CDH18: variants seen among roughly 807,000 people sequenced by gnomAD.
CDH18 encodes cadherin 18, also known as cadherin-18.
CDH18 carries 31 observed loss-of-function variants against 67.9 expected under a neutral mutation model. The observed-to-expected ratio is 0.46, with a 90% CI of 0.34 to 0.62. The LOEUF (loss-of-function observed/expected upper bound fraction) is 0.62. CDH18 is among the 20% of genes least tolerant of loss of function. The pLI is 0.01. For missense variants in CDH18, 890 were observed against 975.5 expected (o/e 0.91, Z 1.17); for synonymous variants, 362 against 347.2 (o/e 1.04, Z -0.48).
At chr5:19,785,163 A>C (rs1001982361) in intron 3 of CDH18, among the ~76,000 whole-genome samples, 1 of 152,128 alleles carries the variant, frequency 6.6e-6, no homozygotes, top group African/African-American at 2.4e-5. Context: ...ACCTCTTTAA[A>C]TATTTTATGG....
chr5:19,661,533 GCAAA>G (rs1310096003), intron 5 of CDH18, among the ~76,000 whole-genome samples: 1 of 151,838 alleles, frequency 6.6e-6, no homozygotes, highest in Non-Finnish European at 1.5e-5. Flanking sequence ...GAGGGTATAT[GCAAA>G]CAAAGATAAT....
intron 5 of CDH18, among the ~76,000 whole-genome samples, chr5:19,698,785 T>C (rs1247771137): frequency 3.9e-5 from 6 of 152,128 alleles, no homozygotes; most frequent in Non-Finnish European, 7.4e-5. Context: ...AATATTTCTG[T>C]GTCTTGGAGA....
chr5:20,239,437 C>T lies in CDH18; in HGVS notation c.-518+16007G>A, dbSNP rs180680954. Among the ~76,000 whole-genome samples the T allele has an allele frequency of 1.3e-3, 198 of 152,170 alleles. No individual in the cohort carries two copies. The Middle Eastern group carries it at 0.02, about 16-fold the overall frequency. ...TGCTACTGCACTTCAGCCTGGGTGA[C>T]AGAGCAAGACTCCATCTCCAAAAAA... On this transcript the variant is annotated intron_variant, in intron 2 of 14. Transcript: ENST00000507958.
intron 9 of CDH18, among the ~76,000 whole-genome samples, chr5:19,533,968 T>C (rs1283263846): frequency 1.3e-5 from 2 of 152,180 alleles, no homozygotes; most frequent in Non-Finnish European, 1.5e-5. Context: ...ATTTGAGTGA[T>C]TTGAAGTTTC....
At chr5:20,014,934 A>G (rs1367533807) in intron 2 of CDH18, among the ~76,000 whole-genome samples, 1 of 152,150 alleles carries the variant, frequency 6.6e-6, no homozygotes, top group Non-Finnish European at 1.5e-5. Context: ...AGCATCCTCA[A>G]CAAATCAGGA....
intron 2 of CDH18, among the ~76,000 whole-genome samples, chr5:19,922,021 T>C (rs1287080677): frequency 1.3e-5 from 2 of 152,126 alleles, no homozygotes; most frequent in Non-Finnish European, 2.9e-5. Flanking sequence ...AGAAAGTTAA[T>C]ACCAACATCA....
rs564932131 is a variant in CDH18, at chr5:20,282,919, C to T, written c.-579-27414G>A. Reference sequence around the variant, plus strand: ...AACATGATACTGGCATAAAAACAGACACACAGACCAATGCATCAAAATAGA... The same window carrying T: ...AACATGATACTGGCATAAAAACAGATACACAGACCAATGCATCAAAATAGA... On this transcript the variant is annotated intron_variant, in intron 1 of 14. Coordinates refer to the CDH18 transcript ENST00000507958. 2.1e-3 allele frequency among the ~76,000 whole-genome samples: 315 copies of T among 152,152 alleles called. 1 individual carries two copies. Among genetic ancestry groups the T allele is most frequent in the African/African-American group, 7.1e-3 (294 of 41,534 alleles).
intron 1 of CDH18, among the ~76,000 whole-genome samples, chr5:20,543,355 T>C (rs1385887750): frequency 1.3e-5 from 2 of 152,122 alleles, no homozygotes; most frequent in African/African-American, 4.8e-5. Flanking sequence ...TCTATGTCAT[T>C]GTTTTTGTTT....
chr5:20,028,005 A>C (rs1378442080), intron 2 of CDH18, among the ~76,000 whole-genome samples: 1 of 152,170 alleles, frequency 6.6e-6, no homozygotes, highest in African/African-American at 2.4e-5. Flanking sequence ...CTACTACAAA[A>C]ATAGTTTTAT....
intron 2 of CDH18, among the ~76,000 whole-genome samples, chr5:20,096,508 T>A (rs946610112): frequency 2.0e-5 from 3 of 152,106 alleles, no homozygotes; most frequent in African/African-American, 7.2e-5. Context: ...TGAATTTTAA[T>A]TGTGCACAGT....
At chr5:20,436,516 G>T (rs1294368462) in intron 1 of CDH18, among the ~76,000 whole-genome samples, 1 of 151,668 alleles carries the variant, frequency 6.6e-6, no homozygotes, top group Non-Finnish European at 1.5e-5. Context: ...AACAGGACAC[G>T]TGGTAGCTCC....
At chr5:20,232,830 G>T (rs1742178862) in intron 2 of CDH18, among the ~76,000 whole-genome samples, 1 of 151,914 alleles carries the variant, frequency 6.6e-6, no homozygotes, top group Admixed American at 6.6e-5. Context: ...ACAAACAAAA[G>T]GCTTTGGCTG....
At chr5:19,550,042 GAGAA>G (rs1737130107) in intron 8 of CDH18, among the ~76,000 whole-genome samples, 1 of 152,004 alleles carries the variant, frequency 6.6e-6, no homozygotes, top group South Asian at 2.1e-4. Context: ...GAAAAACAGA[GAGAA>G]AGAAAGATCT....
chr5:20,453,919 A>G (rs12651811), intron 1 of CDH18, among the ~76,000 whole-genome samples: 45,482 of 152,020 alleles, frequency 0.3, 7,185 homozygotes, highest in East Asian at 0.39. Context: ...GAAAATATCC[A>G]ATAACAGTTG....
At chr5:19,578,762 T>A (rs987922515) in intron 7 of CDH18, among the ~76,000 whole-genome samples, 24 of 152,088 alleles carry the variant, frequency 1.6e-4, no homozygotes, top group African/African-American at 5.8e-4. Flanking sequence ...TTCTTTCTCA[T>A]TATAGTTTTT....
chr5:20,496,535 G>A (rs1312744658), intron 1 of CDH18, among the ~76,000 whole-genome samples: 3 of 151,996 alleles, frequency 2.0e-5, no homozygotes, highest in Admixed American at 6.6e-5. Flanking sequence ...AAAAATTATG[G>A]TGATTATTTA....
intron 1 of CDH18, among the ~76,000 whole-genome samples, chr5:20,496,168 A>C (rs1753893879): frequency 6.6e-6 from 1 of 152,156 alleles, no homozygotes; most frequent in South Asian, 2.1e-4. Context: ...AGGTCAACAC[A>C]GGACTTATCT....
At chr5:19,741,642 G>T (rs893845707) in intron 4 of CDH18, among the ~76,000 whole-genome samples, 2 of 151,988 alleles carry the variant, frequency 1.3e-5, no homozygotes, top group Non-Finnish European at 2.9e-5. Flanking sequence ...AAAGTTCACG[G>T]CATGAGCATT....
chr5:19,803,212 C>T (rs895992463), intron 3 of CDH18, among the ~76,000 whole-genome samples: 1 of 152,184 alleles, frequency 6.6e-6, no homozygotes, highest in Non-Finnish European at 1.5e-5. Context: ...TCTGACTTAA[C>T]TCTCCCAGTC....
Sources: allele counts gnomAD v4.1 joint callset (sites outside exome capture counted in the v4.1 genomes callset), GRCh38; gene constraint gnomAD v4.1.1; transcripts MANE v1.5; gene names NCBI Gene and HGNC (gene_info 2026-07-23, HGNC 2026-07-21).